The following LRRIQ1 variants were observed in gnomAD, a reference collection of about 807,000 sequenced individuals.
The protein encoded by LRRIQ1 is leucine-rich repeat- and IQ domain-containing protein 1.
LRRIQ1 carries 210 observed loss-of-function variants against 211.9 expected under a neutral mutation model. That is an observed-to-expected ratio of 0.99 (90% CI 0.89 to 1.11). The LOEUF is 1.11. Ranked by LOEUF, LRRIQ1 falls within the 50% of genes most tolerant of loss-of-function variation. The probability of loss-of-function intolerance (pLI) is 0.00; values close to 1 mark genes in which losing one functional copy is unlikely to be tolerated. For missense variants in LRRIQ1, 2,136 were observed against 1,939.5 expected, an observed-to-expected ratio of 1.10 and a Z score of -1.90; for synonymous variants, 699 against 650.1, an observed-to-expected ratio of 1.08 and a Z score of -1.14.
intron 1 of LRRIQ1, among the ~76,000 whole-genome samples, chr12:85,259,745 A>G (rs1456399746): frequency 6.6e-6 from 1 of 152,134 alleles, no homozygotes. Flanking sequence ...TTGTAATATT[A>G]CACAATGTGC....
chr12:85,064,524 A>G (rs1882215550), intron 8 of LRRIQ1, among the ~76,000 whole-genome samples: 1 of 151,650 alleles, frequency 6.6e-6, no homozygotes, highest in Non-Finnish European at 1.5e-5. Flanking sequence ...TTTTAACTTG[A>G]TGTAATTCCA....
At chr12:85,257,431 C>A (rs1238457796) in intron 1 of LRRIQ1, among the ~76,000 whole-genome samples, 1 of 150,324 alleles carries the variant, frequency 6.7e-6, no homozygotes, top group Non-Finnish European at 1.5e-5. Context: ...ACAAAATAAA[C>A]AGGACTTATA....
At chr12:85,253,988 A>G (rs545132687) in intron 1 of LRRIQ1, among the ~76,000 whole-genome samples, 19 of 152,180 alleles carry the variant, frequency 1.2e-4, no homozygotes, top group Admixed American at 3.3e-4. Context: ...TGATTGGATC[A>G]CAGGGGAGGA....
chr12:85,223,055 G>A (rs976974103), intron 24 of LRRIQ1, among the ~76,000 whole-genome samples: 26 of 152,126 alleles, frequency 1.7e-4, no homozygotes, highest in Admixed American at 2.6e-4. Flanking sequence ...GAGTTACTTC[G>A]GAATCCAGGA....
chr12:85,223,076 T>C (rs1179056781), intron 24 of LRRIQ1, among the ~76,000 whole-genome samples: 1 of 152,126 alleles, frequency 6.6e-6, no homozygotes, highest in Non-Finnish European at 1.5e-5. Flanking sequence ...GGAAAAAACA[T>C]ACTTTAGTAG....
At chr12:85,231,528 A>T (rs1200254257) in intron 25 of LRRIQ1, among the ~76,000 whole-genome samples, 1 of 152,110 alleles carries the variant, frequency 6.6e-6, no homozygotes, top group South Asian at 2.1e-4. Flanking sequence ...GTAATTAATT[A>T]AAAAAAGAGG....
At chr12:85,169,677 T>G (rs1891318009) in intron 24 of LRRIQ1, among the ~76,000 whole-genome samples, 1 of 152,208 alleles carries the variant, frequency 6.6e-6, no homozygotes, top group Non-Finnish European at 1.5e-5. Context: ...CCTGTAACAC[T>G]ATTTCACATA....
At chr12:85,076,588 A>G in intron 11 of LRRIQ1, 1 of 788,364 alleles carries the variant, frequency 1.3e-6, no homozygotes, top group Non-Finnish European at 1.5e-6. Context: ...ATTGCCCACT[A>G]GTATTGTAAA....
At chr12:85,122,915 G>T (rs1049912804) in intron 16 of LRRIQ1, among the ~76,000 whole-genome samples, 7 of 151,916 alleles carry the variant, frequency 4.6e-5, no homozygotes, top group Admixed American at 1.3e-4. Context: ...ATTTCAACAT[G>T]AGATTTTAAA....
intron 21 of LRRIQ1, 66 bp downstream of exon 21, chr12:85,153,211 A>G: frequency 7.3e-7 from 1 of 1,366,520 alleles, no homozygotes. Context: ...ATCATACAAA[A>G]GTAGTACAAT....
intron 24 of LRRIQ1, among the ~76,000 whole-genome samples, chr12:85,176,430 A>G (rs1328929337): frequency 2.6e-5 from 4 of 151,784 alleles, no homozygotes; most frequent in Non-Finnish European, 5.9e-5. Context: ...TGATGAGTTC[A>G]TGTCCTTTGT....
intron 15 of LRRIQ1, among the ~76,000 whole-genome samples, chr12:85,114,861 T>A (rs1887462956): frequency 6.6e-6 from 1 of 152,166 alleles, no homozygotes; most frequent in Non-Finnish European, 1.5e-5. Context: ...TATGGATTTA[T>A]TAATCAAAGG....
intron 18 of LRRIQ1, among the ~76,000 whole-genome samples, chr12:85,134,611 A>G (rs1379285152): frequency 1.3e-5 from 2 of 152,096 alleles, no homozygotes; most frequent in African/African-American, 2.4e-5. Context: ...TCCATCAAGA[A>G]TCGTGGTTAT....
intron 8 of LRRIQ1, among the ~76,000 whole-genome samples, chr12:85,063,508 A>G (rs1316572881): frequency 2.6e-5 from 4 of 151,746 alleles, no homozygotes; most frequent in Non-Finnish European, 5.9e-5. Flanking sequence ...GGTATCCATT[A>G]TCTCAAGTAT....
At chr12:85,190,424 A>C (rs868840479) in intron 24 of LRRIQ1, among the ~76,000 whole-genome samples, 3 of 147,396 alleles carry the variant, frequency 2.0e-5, no homozygotes, top group Admixed American at 6.9e-5. Flanking sequence ...GTTAATATAA[A>C]TAATTATATC....
intron 11 of LRRIQ1, among the ~76,000 whole-genome samples, chr12:85,086,763 G>A (rs1343756233): frequency 6.6e-6 from 1 of 151,942 alleles, no homozygotes; most frequent in East Asian, 1.9e-4. Context: ...CAACTAGAAA[G>A]TGACAGAGTG....
intron 11 of LRRIQ1, 139 bp downstream of exon 11, chr12:85,073,237 A>G: frequency 1.8e-6 from 1 of 559,000 alleles, no homozygotes; most frequent in Non-Finnish European, 3.0e-6. Flanking sequence ...TCACAAAATA[A>G]GCTTTATTTT....
At chr12:85,114,233 T>A (rs76094903) in intron 15 of LRRIQ1, among the ~76,000 whole-genome samples, 4,160 of 152,020 alleles carry the variant, frequency 0.027, 189 homozygotes, top group African/African-American at 0.095. Context: ...ATCTGATGGG[T>A]TGTTTTTAGG....
At chr12:85,076,657 C>A in intron 11 of LRRIQ1, 3 of 381,220 alleles carry the variant, frequency 7.9e-6, no homozygotes, top group Non-Finnish European at 1.1e-5. Flanking sequence ...TGTGTCGTGG[C>A]TCATAGTGCT....
Sources: allele counts gnomAD v4.1 joint callset (sites outside exome capture counted in the v4.1 genomes callset), GRCh38; gene constraint gnomAD v4.1.1; transcripts MANE v1.5; gene names NCBI Gene and HGNC (gene_info 2026-07-23, HGNC 2026-07-21).